The following MTHFD2L variants were observed in gnomAD, a reference collection of about 807,000 sequenced individuals.
MTHFD2L encodes the protein bifunctional methylenetetrahydrofolate dehydrogenase/cyclohydrolase 2, mitochondrial.
A neutral mutation model predicts 34.9 loss-of-function variants in MTHFD2L; 29 were observed. The observed-to-expected ratio is 0.83, with a 90% CI of 0.62 to 1.13. The LOEUF (loss-of-function observed/expected upper bound fraction) is 1.13, where lower values mean the gene tolerates loss of function less well. Ranked by LOEUF, MTHFD2L falls within the 50% of genes most tolerant of loss-of-function variation. The pLI is 0.00. For missense variants in MTHFD2L, 481 were observed against 446.5 expected (o/e 1.08, Z -0.70); for synonymous variants, 167 against 155.7 (o/e 1.07, Z -0.54).
At chr4:74,166,333 CTGT>C (rs900781666) in intron 1 of MTHFD2L, among the ~76,000 whole-genome samples, 2 of 152,178 alleles carry the variant, frequency 1.3e-5, no homozygotes, top group African/African-American at 4.8e-5. Context: ...GTCTTTGCCT[CTGT>C]TGTTAAATGG....
chr4:74,205,437 C>G (rs1735128018), intron 5 of MTHFD2L, among the ~76,000 whole-genome samples: 1 of 152,110 alleles, frequency 6.6e-6, no homozygotes, highest in Non-Finnish European at 1.5e-5. Flanking sequence ...CATGCAGAAC[C>G]CTAGTGATTC....
At chr4:74,235,267 G>T (rs1740680596) in intron 6 of MTHFD2L, among the ~76,000 whole-genome samples, 1 of 152,102 alleles carries the variant, frequency 6.6e-6, no homozygotes, top group South Asian at 2.1e-4. Flanking sequence ...TAGCATTGAT[G>T]TAGTTCTACA....
intron 6 of MTHFD2L, among the ~76,000 whole-genome samples, chr4:74,237,523 C>T (rs964032581): frequency 2.0e-5 from 3 of 152,146 alleles, no homozygotes; most frequent in African/African-American, 7.2e-5. Context: ...GTGGTGCACA[C>T]CTGTAATCTC....
chr4:74,121,661 TA>T (rs538623508), upstream of MTHFD2L, among the ~76,000 whole-genome samples: 103 of 145,834 alleles, frequency 7.1e-4, no homozygotes, highest in African/African-American at 2.5e-3. Context: ...TATATATAAT[TA>T]AATATATATT....
chr4:74,200,961 A>G lies in MTHFD2L; in HGVS notation c.605-302A>G, dbSNP rs1734315928. Among the ~76,000 whole-genome samples, 3 of 152,260 alleles carry G rather than the reference A, an allele frequency of 2.0e-5. No individual in the cohort carries two copies. The South Asian group carries it at 6.2e-4, about 32-fold the overall frequency. On this transcript the variant is annotated intron_variant, in intron 4 of 7. Coordinates refer to ENST00000325278, the MANE Select transcript of MTHFD2L (RefSeq NM_001144978.3). ...ACTTTGCTTTTTTTATAAGCAGTTA[A>G]TATATGTTAAAACTCTACTCTTCTA...
At chr4:74,118,372 T>C (rs1345700646), upstream of MTHFD2L, among the ~76,000 whole-genome samples, 3 of 152,196 alleles carry the variant, frequency 2.0e-5, no homozygotes, top group Non-Finnish European at 4.4e-5. Context: ...CTGCAAAGGC[T>C]CTTCAACAGT....
chr4:74,257,573 T>C (rs924519478), intron 6 of MTHFD2L, among the ~76,000 whole-genome samples: 9 of 152,294 alleles, frequency 5.9e-5, no homozygotes, highest in African/African-American at 1.9e-4. Context: ...ATAACAGTTA[T>C]AACTATGTGT....
At chr4:74,218,216 TGTGAAATCTTTCTA>T (rs1737528769) in intron 5 of MTHFD2L, among the ~76,000 whole-genome samples, 1 of 152,130 alleles carries the variant, frequency 6.6e-6, no homozygotes, top group African/African-American at 2.4e-5. Context: ...TTAGAATGCT[TGTGAAATCTTTCTA>T]TAAGTAAAAC....
At chr4:74,263,566 G>A (rs137939736) in intron 6 of MTHFD2L, among the ~76,000 whole-genome samples, 54 of 151,900 alleles carry the variant, frequency 3.6e-4, no homozygotes, top group African/African-American at 1.3e-3. Flanking sequence ...TGTATTCTGA[G>A]GTATTATATT....
chr4:74,236,164 A>C (rs897708706), intron 6 of MTHFD2L, among the ~76,000 whole-genome samples: 2 of 152,268 alleles, frequency 1.3e-5, no homozygotes, highest in Non-Finnish European at 2.9e-5. Flanking sequence ...CCAGGTTACC[A>C]GCTTGATCTG....
At chr4:74,130,183 C>T (rs1362128237) in intron 1 of MTHFD2L, among the ~76,000 whole-genome samples, 3 of 152,152 alleles carry the variant, frequency 2.0e-5, no homozygotes, top group African/African-American at 7.2e-5. Context: ...ACCATTCCTT[C>T]TGAAACTATT....
At chr4:74,234,758 A>T (rs1740590827) in intron 6 of MTHFD2L, among the ~76,000 whole-genome samples, 1 of 151,836 alleles carries the variant, frequency 6.6e-6, no homozygotes, top group Non-Finnish European at 1.5e-5. Flanking sequence ...ACATGTATGT[A>T]TGTATATGTA....
intron 1 of MTHFD2L, chr4:74,140,407 G>A (rs752012084): frequency 8.3e-5 from 25 of 300,424 alleles, no homozygotes; most frequent in Admixed American, 1.3e-4. Context: ...TATTATTATT[G>A]GTAATTTTAT....
intron 1 of MTHFD2L, among the ~76,000 whole-genome samples, chr4:74,167,616 G>A (rs544404666): frequency 1.3e-5 from 2 of 152,308 alleles, no homozygotes; most frequent in South Asian, 4.1e-4. Context: ...TGAGACTTGA[G>A]CAATGTGTGG....
intron 6 of MTHFD2L, among the ~76,000 whole-genome samples, chr4:74,255,717 T>G (rs1383259639): frequency 6.6e-6 from 1 of 152,110 alleles, no homozygotes; most frequent in Non-Finnish European, 1.5e-5. Flanking sequence ...AATGTTTAGC[T>G]CCCCCTTTTA....
intron 5 of MTHFD2L, among the ~76,000 whole-genome samples, chr4:74,206,823 A>G (rs983553320): frequency 6.6e-6 from 1 of 152,182 alleles, no homozygotes; most frequent in Non-Finnish European, 1.5e-5. Context: ...AAATTGTCAT[A>G]ATGACTAAGG....
chr4:74,190,546 T>C (rs1421557917), intron 3 of MTHFD2L: 1 of 985,022 alleles, frequency 1.0e-6, no homozygotes, highest in African/African-American at 1.7e-5. Flanking sequence ...CAAGCTCCAC[T>C]GTGTTCTCAG....
intron 6 of MTHFD2L, among the ~76,000 whole-genome samples, chr4:74,274,143 C>T (rs1434445313): frequency 6.6e-6 from 1 of 152,096 alleles, no homozygotes; most frequent in African/African-American, 2.4e-5. Flanking sequence ...TAAGCCACTA[C>T]ACCCAGCCTG....
intron 6 of MTHFD2L, among the ~76,000 whole-genome samples, chr4:74,239,131 T>C (rs901007552): frequency 2.0e-5 from 3 of 152,142 alleles, no homozygotes; most frequent in African/African-American, 7.2e-5. Flanking sequence ...GTGGCACATA[T>C]ACACCATGGA....
Sources: gnomAD v4.1 joint callset for allele counts (sites outside exome capture counted in the v4.1 genomes callset) on GRCh38, gnomAD v4.1.1 for gene constraint, MANE v1.5 for transcripts, NCBI Gene and HGNC (gene_info 2026-07-23, HGNC 2026-07-21) for gene names.